Variants in RAB28 observed in about 807,000 individuals in gnomAD.
RAB28 encodes ras-related protein Rab-28.
A neutral mutation model predicts 31.7 loss-of-function variants in RAB28; 24 were observed. That is an observed-to-expected ratio of 0.76 (90% confidence interval 0.55 to 1.06). RAB28 has a LOEUF of 1.06. RAB28 is among the 50% of genes least tolerant of loss of function. The pLI is 0.00. For synonymous variants in RAB28, 100 were observed against 90.4 expected (o/e 1.11, Z -0.60); for missense variants, 254 against 258.5 (o/e 0.98, Z 0.12).
intron 4 of RAB28, among the ~76,000 whole-genome samples, chr4:13,426,492 T>C (rs1713502163): frequency 6.6e-6 from 1 of 152,166 alleles, no homozygotes; most frequent in East Asian, 1.9e-4. Context: ...ATTTACAAAG[T>C]ACTGATCCTT....
At chr4:13,400,460 T>C (rs1711684555) in intron 4 of RAB28, among the ~76,000 whole-genome samples, 1 of 152,128 alleles carries the variant, frequency 6.6e-6, no homozygotes, top group African/African-American at 2.4e-5. Context: ...TCCTTGAAAA[T>C]GGTGTTTGCT....
intron 2 of RAB28, among the ~76,000 whole-genome samples, chr4:13,478,350 A>T (rs928928470): frequency 6.6e-6 from 1 of 151,538 alleles, no homozygotes; most frequent in African/African-American, 2.4e-5. Context: ...TTCTCATGGG[A>T]TATCTCCTAA....
At chr4:13,481,527 G>T (rs10034875) in intron 1 of RAB28, among the ~76,000 whole-genome samples, 1 of 151,768 alleles carries the variant, frequency 6.6e-6, no homozygotes, top group Non-Finnish European at 1.5e-5. Flanking sequence ...TATATTTTTT[G>T]ATTTGGAAAA....
chr4:13,380,507 A>C (rs1729085622), intron 5 of RAB28, among the ~76,000 whole-genome samples: 1 of 151,642 alleles, frequency 6.6e-6, no homozygotes. Flanking sequence ...ATAACTAATA[A>C]AACTTTTAAA....
At chr4:13,391,072 A>G (rs1484852361) in intron 4 of RAB28, among the ~76,000 whole-genome samples, 1 of 152,212 alleles carries the variant, frequency 6.6e-6, no homozygotes, top group Non-Finnish European at 1.5e-5. Flanking sequence ...AATTAAACTA[A>G]AGAGCTTCTG....
Position 13,446,980 on chromosome 4 carries a change from T to C in RAB28, c.391+13719A>G, listed in dbSNP as rs536692463. ...TAACAGTTTTACTCATCTCAGTAAA[T>C]GCAACTTTAGCCTGCCAGATGCTTA... On this transcript the variant is annotated intron_variant, in intron 4 of 6. Transcript: ENST00000330852. Among the ~76,000 whole-genome samples the C allele has an allele frequency of 3.9e-5, 6 of 152,320 alleles. No homozygotes were observed. In the South Asian group the frequency reaches 1.2e-3, roughly 32 times the overall value.
At chr4:13,473,589 G>T (rs1461520295) in intron 3 of RAB28, among the ~76,000 whole-genome samples, 1 of 151,674 alleles carries the variant, frequency 6.6e-6, no homozygotes, top group Non-Finnish European at 1.5e-5. Context: ...TGCTCAGAGA[G>T]AAATGATTAA....
chr4:13,411,160 C>A (rs1054711717), intron 4 of RAB28, among the ~76,000 whole-genome samples: 6 of 151,712 alleles, frequency 4.0e-5, no homozygotes, highest in African/African-American at 1.5e-4. Context: ...ATATTAAATA[C>A]CAAAACACAA....
At chr4:13,405,621 TA>T (rs1271056049) in intron 4 of RAB28, among the ~76,000 whole-genome samples, 2 of 152,188 alleles carry the variant, frequency 1.3e-5, no homozygotes, top group Admixed American at 1.3e-4. Context: ...ATAAAATTCA[TA>T]AATTTCTCAA....
intron 3 of RAB28, among the ~76,000 whole-genome samples, chr4:13,468,564 C>T (rs1278429185): frequency 1.3e-5 from 2 of 150,980 alleles, no homozygotes; most frequent in African/African-American, 4.9e-5. Flanking sequence ...TTGTGGAATA[C>T]AGCAAAAGCA....
At chr4:13,417,838 T>C (rs1195721360) in intron 4 of RAB28, among the ~76,000 whole-genome samples, 4 of 152,208 alleles carry the variant, frequency 2.6e-5, no homozygotes, top group Non-Finnish European at 5.9e-5. Context: ...AGAACACCTC[T>C]TCTCCTGCAA....
At chr4:13,444,264 T>A (rs1447602612) in intron 4 of RAB28, among the ~76,000 whole-genome samples, 1 of 152,048 alleles carries the variant, frequency 6.6e-6, no homozygotes, top group Non-Finnish European at 1.5e-5. Context: ...CCTGACCTCA[T>A]GATCCACCCG....
At position 13,460,788 on chromosome 4, in the gene RAB28, A is replaced by G; in HGVS notation, c.302T>C (p.Phe101Ser). The stretch of plus-strand genomic sequence containing the variant: ...AGTATACCAATCTTCTAAATTCTCA[A>G]AGCTTTGATAATTTGTAATATCATA... ...LVYDITNYQS[F>S]ENLEDWYTVV... The change falls in exon 4 of 7, where the codon TTT becomes TCT. Residue 101 changes from phenylalanine to serine, a missense_variant. By Grantham distance (155) the Phe-to-Ser change is radical. Coordinates refer to ENST00000330852, the MANE Select transcript of RAB28 (RefSeq NM_001017979.3). The G allele has an allele frequency of 6.2e-7, 1 of 1,613,646 alleles. No individual in the cohort carries two copies. Among genetic ancestry groups the G allele is most frequent in the Non-Finnish European group, 8.5e-7 (1 of 1,179,666 alleles).
At chr4:13,483,864 A>T (rs1213957178) in intron 1 of RAB28, among the ~76,000 whole-genome samples, 7 of 152,188 alleles carry the variant, frequency 4.6e-5, no homozygotes, top group Non-Finnish European at 1.0e-4. Context: ...GGAGTTAGGA[A>T]GTGACTCTTT....
intron 4 of RAB28, among the ~76,000 whole-genome samples, chr4:13,418,006 A>T (rs926367972): frequency 1.3e-5 from 2 of 152,344 alleles, no homozygotes; most frequent in African/African-American, 4.8e-5. Flanking sequence ...ACCTTGAAAA[A>T]AGATTATAGA....
intron 4 of RAB28, among the ~76,000 whole-genome samples, chr4:13,391,134 G>A (rs1729610827): frequency 1.3e-5 from 2 of 152,104 alleles, no homozygotes; most frequent in Admixed American, 1.3e-4. Flanking sequence ...TAGAATGGGA[G>A]AACATTTTTG....
In RAB28 at chr4:13,409,502, C is replaced by T. The variant is rs1712299903; in HGVS notation, c.392-27908G>A. Among the ~76,000 whole-genome samples the T allele has an allele frequency of 2.0e-5, 3 of 152,208 alleles. No homozygotes were observed. The South Asian group carries it at 6.2e-4, about 31-fold the overall frequency. ...ACCTATGAGAGAAGCTTGCACCAAT[C>T]ACTGGAGAGCTGCACAAGCAGTGCA... On this transcript the variant is annotated intron_variant, in intron 4 of 6. Coordinates refer to ENST00000330852, the MANE Select transcript of RAB28 (RefSeq NM_001017979.3).
chr4:13,407,827 G>T (rs1712192357), intron 4 of RAB28, among the ~76,000 whole-genome samples: 1 of 152,032 alleles, frequency 6.6e-6, no homozygotes, highest in African/African-American at 2.4e-5. Context: ...GTCTATTATT[G>T]GCGTACAGGA....
At position 13,429,606 on chromosome 4, in the gene RAB28, GA is replaced by G. The variant is rs1388907102; in HGVS notation, c.391+31092del. Reference sequence around the variant, plus strand: ...AGTGCAAATTTTATACTTCAAAAGTGAAAAAACATTGAAAGAAATTATTTTA... The same window carrying G: ...AGTGCAAATTTTATACTTCAAAAGTGAAAAACATTGAAAGAAATTATTTTA... On this transcript the variant is annotated intron_variant, in intron 4 of 6. Transcript: ENST00000330852. Among the ~76,000 whole-genome samples the G allele has an allele frequency of 4.6e-5, 7 of 152,176 alleles. No homozygotes were observed. In the East Asian group the frequency reaches 1.4e-3, roughly 29 times the overall value.
Sources: gnomAD v4.1 joint callset for allele counts (sites outside exome capture counted in the v4.1 genomes callset) on GRCh38, gnomAD v4.1.1 for gene constraint, MANE v1.5 for transcripts, NCBI Gene and HGNC (gene_info 2026-07-23, HGNC 2026-07-21) for gene names.